Variants in GSDME observed in about 807,000 individuals in gnomAD.
GSDME encodes the protein gasdermin-E.
GSDME carries 44 observed loss-of-function variants against 47.5 expected under a neutral mutation model. The observed-to-expected ratio is 0.93, with a 90% CI of 0.73 to 1.19. The LOEUF is 1.19. GSDME is among the 50% of genes most tolerant of loss of function. GSDME has a pLI of 0.00. For missense variants in GSDME, 663 were observed against 604.2 expected (o/e 1.10, Z -1.02); for synonymous variants, 258 against 252.8 (o/e 1.02, Z -0.20).
In GSDME at chr7:24,726,781, G is replaced by T. The variant is rs894646447; in HGVS notation, c.405-7563C>A. Among the ~76,000 whole-genome samples the T allele has an allele frequency of 6.6e-6, 1 of 150,642 alleles. No homozygotes were observed. Among genetic ancestry groups the T allele is most frequent in the Non-Finnish European group, 1.5e-5 (1 of 67,734 alleles). On this transcript the variant is annotated intron_variant, in intron 3 of 9. Coordinates refer to ENST00000645220, the MANE Select transcript of GSDME (RefSeq NM_001127453.2). This position sits in a 1 kb window ranked among gnomAD's most constrained non-coding sequence, Gnocchi z 5.6. The stretch of plus-strand genomic sequence containing the variant: ...GAGATCGCCCACTGCACTCCAGCCC[G>T]GGGGACAGAGCGAGACTCCGTCTCA...
chr7:24,707,908 C>G, intron 7 of GSDME: 1 of 599,494 alleles, frequency 1.7e-6, no homozygotes, highest in Non-Finnish European at 2.9e-6. Context: ...TTTTTAAGCC[C>G]TCAGGTTTGT....
At chr7:24,718,182 G>A (rs563604423) in intron 4 of GSDME, among the ~76,000 whole-genome samples, 18 of 152,356 alleles carry the variant, frequency 1.2e-4, no homozygotes, top group African/African-American at 4.3e-4. Flanking sequence ...CTGCTACCCA[G>A]CCCCAACCCA....
Position 24,732,696 on chromosome 7 carries a change from C to G in GSDME, c.404+11866G>C, listed in dbSNP as rs78039879. Among the ~76,000 whole-genome samples the G allele has an allele frequency of 0.036, 5,432 of 152,314 alleles. 137 individuals are homozygous for G. Among genetic ancestry groups the G allele is most frequent in the Non-Finnish European group, 0.053 (3,573 of 68,034 alleles). ...CTGCCAACACCGGGCAGAACTCAGC[C>G]AGCGCCCACTGAGGGAGCATGTAGA... On this transcript the variant is annotated intron_variant, in intron 3 of 9. Transcript: ENST00000645220. This position sits in a 1 kb window ranked among gnomAD's most constrained non-coding sequence, Gnocchi z 4.8.
At chr7:24,780,804 C>T in the GSDME span, among the ~76,000 whole-genome samples, 3 of 152,214 alleles carry the variant, frequency 2.0e-5, 1 homozygote, top group African/African-American at 7.2e-5. This position sits in a 1 kb window ranked among gnomAD's most constrained non-coding sequence, Gnocchi z 4.1. Flanking sequence ...GCTGCCTCTT[C>T]TGGAGCCTAG....
the GSDME span, among the ~76,000 whole-genome samples, chr7:24,769,625 C>T: frequency 3.9e-5 from 6 of 152,116 alleles, no homozygotes; most frequent in East Asian, 1.9e-4. Context: ...GACTATAGAA[C>T]GCCTCCCCCA....
chr7:24,731,938 C>CA (rs1346333895), intron 3 of GSDME, among the ~76,000 whole-genome samples: 5 of 152,130 alleles, frequency 3.3e-5, no homozygotes, highest in African/African-American at 1.2e-4. Flanking sequence ...TGAAGTTTAC[C>CA]ACCCTGAATT....
In GSDME at chr7:24,725,395, C is replaced by A. The variant is rs1789931742; in HGVS notation, c.405-6177G>T. 6.6e-6 allele frequency among the ~76,000 whole-genome samples: 1 copy of A among 152,082 alleles called. No homozygotes were observed. Among genetic ancestry groups the A allele is most frequent in the African/African-American group, 2.4e-5 (1 of 41,398 alleles). On this transcript the variant is annotated intron_variant, in intron 3 of 9. Coordinates refer to ENST00000645220, the MANE Select transcript of GSDME (RefSeq NM_001127453.2). This position sits in a 1 kb window ranked among gnomAD's most constrained non-coding sequence, Gnocchi z 5.1. The stretch of plus-strand genomic sequence containing the variant: ...AGAAATGGCCAGAATTTTCAGGATG[C>A]TTTATAAGGGAGCCCTCAGCCAGGT...
At chr7:24,755,819 T>G (rs145897780) in intron 1 of GSDME, among the ~76,000 whole-genome samples, 34 of 152,348 alleles carry the variant, frequency 2.2e-4, no homozygotes, top group Admixed American at 1.0e-3. Context: ...AAACCTCAGT[T>G]ACGGTGGAAA....
At chr7:24,764,781 C>T in the GSDME span, among the ~76,000 whole-genome samples, 4 of 152,204 alleles carry the variant, frequency 2.6e-5, no homozygotes, top group African/African-American at 9.7e-5. This position sits in a 1 kb window ranked among gnomAD's most constrained non-coding sequence, Gnocchi z 4.4. Flanking sequence ...GCCTAGCTCA[C>T]TGAGTTACTG....
chr7:24,700,488 GA>G (rs1788820075), intron 9 of GSDME, among the ~76,000 whole-genome samples: 1 of 152,134 alleles, frequency 6.6e-6, no homozygotes, highest in Non-Finnish European at 1.5e-5. Context: ...AAGTTTGCCT[GA>G]ATTTTAAGAA....
rs1790533220 is a variant in GSDME at position 24,742,770 on chromosome 7, C to T, written c.404+1792G>A. Among the ~76,000 whole-genome samples the T allele has an allele frequency of 6.6e-6, 1 of 152,174 alleles. No individual in the cohort carries two copies. Among genetic ancestry groups the T allele is most frequent in the African/African-American group, 2.4e-5 (1 of 41,432 alleles). On this transcript the variant is annotated intron_variant, in intron 3 of 9. Transcript: ENST00000645220. The surrounding 1 kb of genome is among the most constrained non-coding windows in gnomAD (Gnocchi z 4.4). ...ACCCCCCGCCTCCCTTTTCCCCTTC[C>T]CCAGTGCCACCAGATTTAGCAAATG...
upstream of GSDME, among the ~76,000 whole-genome samples, chr7:24,760,630 T>G (rs544660164): frequency 6.6e-6 from 1 of 152,254 alleles, no homozygotes; most frequent in Non-Finnish European, 1.5e-5. The surrounding 1 kb of genome is among the most constrained non-coding windows in gnomAD (Gnocchi z 4.2). Flanking sequence ...TTTTCACATA[T>G]GCATAATTTT....
chr7:24,698,755 A>C lies in GSDME; in HGVS notation c.*271T>G. 1 of 487,040 alleles carries C rather than the reference A, an allele frequency of 2.1e-6. No individual in the cohort carries two copies. The highest frequency in any genetic ancestry group is 3.8e-6 in the Non-Finnish European group (1 of 266,486). 30.2% of individuals were successfully genotyped at this position (487,040 alleles called of 1,614,324 possible). A position where few individuals can be genotyped will look rare whatever the true frequency, so the allele number is the denominator to read the frequency against. ...TTGTGCAGAAAAAACGTCTGAATGTATGCTAAGAATTCTCCGCCCTCCCAG... is the reference window on the plus strand; with the variant it reads ...TTGTGCAGAAAAAACGTCTGAATGTCTGCTAAGAATTCTCCGCCCTCCCAG... On this transcript the variant is annotated 3_prime_UTR_variant, in exon 10 of 10. Transcript: ENST00000645220.
the GSDME span, among the ~76,000 whole-genome samples, chr7:24,763,981 C>A: frequency 6.6e-6 from 1 of 152,188 alleles, no homozygotes; most frequent in South Asian, 2.1e-4. The surrounding 1 kb of genome is among the most constrained non-coding windows in gnomAD (Gnocchi z 4.3). Flanking sequence ...ACGAGCCGTT[C>A]TTAATCTTAC....
At chr7:24,764,145 G>A in the GSDME span, among the ~76,000 whole-genome samples, 1 of 152,166 alleles carries the variant, frequency 6.6e-6, no homozygotes, top group African/African-American at 2.4e-5. The surrounding 1 kb of genome is among the most constrained non-coding windows in gnomAD (Gnocchi z 4.4). Flanking sequence ...CACACTTGTT[G>A]TTTGGTAAGG....
chr7:24,704,690 C>A (rs2721808), intron 8 of GSDME: 95,779 of 151,896 alleles, frequency 0.63, 32,764 homozygotes, highest in East Asian at 0.99. Context: ...GTGTCAACTG[C>A]GTGGCCTGCT....
chr7:24,763,952 A>T, the GSDME span, among the ~76,000 whole-genome samples: 3 of 152,232 alleles, frequency 2.0e-5, no homozygotes, highest in African/African-American at 4.8e-5. The surrounding 1 kb of genome is among the most constrained non-coding windows in gnomAD (Gnocchi z 4.3). Flanking sequence ...GGATTGTATA[A>T]TACATTCTGT....
intron 3 of GSDME, among the ~76,000 whole-genome samples, chr7:24,722,160 C>T (rs1296666284): frequency 1.3e-5 from 2 of 152,110 alleles, no homozygotes; most frequent in African/African-American, 2.4e-5. Flanking sequence ...ATGCCTAGTA[C>T]GTAGGAAGAG....
the GSDME span, among the ~76,000 whole-genome samples, chr7:24,765,549 C>T: frequency 6.6e-6 from 1 of 152,204 alleles, no homozygotes; most frequent in Non-Finnish European, 1.5e-5. Context: ...GTGCCCAAAC[C>T]AACTGTTTCT....
Sources: allele counts gnomAD v4.1 joint callset (sites outside exome capture counted in the v4.1 genomes callset), GRCh38; gene constraint gnomAD v4.1.1; non-coding constraint Gnocchi (gnomAD v3.1); transcripts MANE v1.5; gene names NCBI Gene and HGNC (gene_info 2026-07-23, HGNC 2026-07-21).